ACSM1: variants seen among roughly 807,000 people sequenced by gnomAD.
The protein encoded by ACSM1 is acyl-CoA synthetase medium chain family member 1.
In ACSM1, 79 loss-of-function variants were observed where a neutral mutation model predicts 75.8. The ratio of observed to expected loss-of-function variants is 1.04; its 90% CI spans 0.87 to 1.26. ACSM1 has a LOEUF of 1.26. Ranked by LOEUF, ACSM1 falls within the 50% of genes most tolerant of loss-of-function variation. The probability of loss-of-function intolerance (pLI) is 0.00; values close to 1 mark genes in which losing one functional copy is unlikely to be tolerated. For missense variants in ACSM1, 676 were observed against 720.1 expected, an observed-to-expected ratio of 0.94 and a Z score of 0.70; for synonymous variants, 279 against 265.8, an observed-to-expected ratio of 1.05 and a Z score of -0.48.
chr16:20,690,532 T>C (rs1255976738), intron 2 of ACSM1, among the ~76,000 whole-genome samples: 1 of 152,206 alleles, frequency 6.6e-6, no homozygotes, highest in Non-Finnish European at 1.5e-5. Context: ...TGGCCTAACA[T>C]AGGTAAATGT....
At chr16:20,682,161 A>C (rs1194009127) in intron 4 of ACSM1, 95 bp downstream of exon 4, 7 of 1,235,184 alleles carry the variant, frequency 5.7e-6, no homozygotes, top group Non-Finnish European at 8.0e-6. Context: ...CTAAATAATA[A>C]ATACATCCTC....
chr16:20,635,032 A>G (rs2017579107), intron 10 of ACSM1, among the ~76,000 whole-genome samples: 2 of 152,162 alleles, frequency 1.3e-5, no homozygotes, highest in African/African-American at 4.8e-5. Flanking sequence ...GAATACTGAC[A>G]TTTCATGGAT....
chr16:20,672,280 G>T (rs1162605340), intron 4 of ACSM1, among the ~76,000 whole-genome samples: 3 of 149,648 alleles, frequency 2.0e-5, no homozygotes, highest in Non-Finnish European at 4.4e-5. Flanking sequence ...GAGAAAGGGG[G>T]AGAGTAAAAA....
intron 10 of ACSM1, among the ~76,000 whole-genome samples, chr16:20,635,582 TTCTTTC>T: frequency 4.9e-4 from 1 of 2,038 alleles, no homozygotes; most frequent in Admixed American, 4.9e-3. Context: ...ATTTTTCTTT[TTCTTTC>T]TTTCTTTCTT....
chr16:20,679,729 G>A (rs1167539112), intron 4 of ACSM1: 1 of 152,172 alleles, frequency 6.6e-6, no homozygotes, highest in East Asian at 1.9e-4. Context: ...AACCAAGTTA[G>A]GAACCTGCAC....
intron 6 of ACSM1, among the ~76,000 whole-genome samples, chr16:20,667,354 A>T (rs1356523585): frequency 6.6e-6 from 1 of 152,216 alleles, no homozygotes; most frequent in African/African-American, 2.4e-5. Flanking sequence ...GGCAAAGTAC[A>T]TAAACAGACA....
At chr16:20,671,369 G>A (rs2019884183) in intron 5 of ACSM1, among the ~76,000 whole-genome samples, 162 bp downstream of exon 5, 1 of 151,864 alleles carries the variant, frequency 6.6e-6, no homozygotes. Context: ...CAGACCCTGA[G>A]AGGTCTGAAC....
intron 3 of ACSM1, among the ~76,000 whole-genome samples, chr16:20,683,149 C>A (rs907465685): frequency 1.3e-5 from 2 of 151,504 alleles, no homozygotes; most frequent in African/African-American, 2.4e-5. Context: ...GTGGAGTCTC[C>A]CCCTGTCACC....
At chr16:20,684,863 G>T (rs1304726578) in intron 3 of ACSM1, among the ~76,000 whole-genome samples, 1 of 152,226 alleles carries the variant, frequency 6.6e-6, no homozygotes, top group Non-Finnish European at 1.5e-5. Context: ...TTGTGTGTGT[G>T]TGTGTATGAG....
At chr16:20,637,112 G>C (rs1290320296) in intron 9 of ACSM1, 1 of 758,462 alleles carries the variant, frequency 1.3e-6, no homozygotes, top group East Asian at 2.5e-5. Context: ...ACTTGCTAGA[G>C]AGGGCTCCCA....
chr16:20,667,454 T>C (rs1322816087), intron 6 of ACSM1, among the ~76,000 whole-genome samples: 1 of 152,098 alleles, frequency 6.6e-6, no homozygotes, highest in Non-Finnish European at 1.5e-5. Context: ...AAAACCACAG[T>C]GAGATACCAT....
chr16:20,630,282 T>C (rs1453349155), intron 10 of ACSM1, among the ~76,000 whole-genome samples: 1 of 152,022 alleles, frequency 6.6e-6, no homozygotes, highest in Non-Finnish European at 1.5e-5. Context: ...AGATGGGGTT[T>C]CTCCATGTTT....
At chr16:20,674,751 C>G (rs111414170) in intron 4 of ACSM1, 1 of 152,282 alleles carries the variant, frequency 6.6e-6, no homozygotes, top group Non-Finnish European at 1.5e-5. Context: ...TGGCTCTCCC[C>G]GCATCCTGCC....
At chr16:20,646,781 C>T (rs1193003321) in intron 7 of ACSM1, among the ~76,000 whole-genome samples, 3 of 152,148 alleles carry the variant, frequency 2.0e-5, no homozygotes, top group African/African-American at 7.2e-5. Flanking sequence ...TCCTCCATGC[C>T]CACACAGCAA....
intron 3 of ACSM1, among the ~76,000 whole-genome samples, chr16:20,684,985 G>T (rs2079519764): frequency 6.6e-6 from 1 of 152,130 alleles, no homozygotes; most frequent in Non-Finnish European, 1.5e-5. Context: ...AAGAAAGGAG[G>T]TACAGAGAAG....
chr16:20,623,499 G>T lies in ACSM1; in HGVS notation c.1721C>A (p.Thr574Asn). ...GTTCACTGCCGATTACATCTGACCA[G>T]TCTCCTTTTTCCGAAGTTCCTTCCG... ...IERKELRKKE[T>N]GQM is the part of the protein sequence containing the mutation. Residue 574 changes from threonine to asparagine, a missense_variant, in exon 14 of 14, where the codon ACT (threonine) becomes AAT (asparagine). Transcript: ENST00000520010. 6.2e-7 allele frequency: 1 copy of T among 1,614,100 alleles called. No individual in the cohort carries two copies. Among genetic ancestry groups the T allele is most frequent in the Non-Finnish European group, 8.5e-7 (1 of 1,179,990 alleles).
At chr16:20,665,071 A>G (rs552885762) in intron 6 of ACSM1, among the ~76,000 whole-genome samples, 1 of 152,264 alleles carries the variant, frequency 6.6e-6, no homozygotes, top group Admixed American at 6.5e-5. Flanking sequence ...AGAATCTAAT[A>G]TCACTTCTAG....
chr16:20,656,450 C>T (rs2152247389), intron 7 of ACSM1, among the ~76,000 whole-genome samples: 1 of 151,904 alleles, frequency 6.6e-6, no homozygotes, highest in Non-Finnish European at 1.5e-5. Flanking sequence ...GGTTTTGCAC[C>T]CCACCCCACC....
intron 4 of ACSM1, chr16:20,674,243 G>A (rs1372014196): frequency 6.8e-6 from 2 of 295,724 alleles, no homozygotes; most frequent in East Asian, 2.0e-4. Flanking sequence ...TGTGGCTAGT[G>A]AGCCTTATCT....
Sources: allele counts gnomAD v4.1 joint callset (sites outside exome capture counted in the v4.1 genomes callset), GRCh38; gene constraint gnomAD v4.1.1; transcripts MANE v1.5; gene names NCBI Gene and HGNC (gene_info 2026-07-23, HGNC 2026-07-21).